Variants in TAFA5 observed in about 807,000 individuals in gnomAD.
TAFA5 encodes chemokine-like protein TAFA-5.
In TAFA5, 6 loss-of-function variants were observed where a neutral mutation model predicts 15.3. The observed-to-expected ratio is 0.39, with a 90% CI of 0.21 to 0.77. The LOEUF is 0.77. Among genes scored for constraint, TAFA5 ranks in the 30% least tolerant of loss-of-function variants. The pLI, the probability that TAFA5 is intolerant of heterozygous loss-of-function variation, is 0.41. For synonymous variants in TAFA5, 103 were observed against 80.7 expected (o/e 1.28, Z -1.48); for missense variants, 161 against 193.1 (o/e 0.83, Z 0.98).
chr22:48,492,773 GGGTTGTTGGATGGTT>G (rs1928201721), intron 1 of TAFA5, among the ~76,000 whole-genome samples: 2 of 152,318 alleles, frequency 1.3e-5, no homozygotes, highest in South Asian at 4.1e-4. Context: ...CTGCCCATGA[GGGTTGTTGGATGGTT>G]GGTAATAAGT....
At chr22:48,602,767 C>T (rs1193718363) in intron 1 of TAFA5, among the ~76,000 whole-genome samples, 1 of 152,064 alleles carries the variant, frequency 6.6e-6, no homozygotes, top group Non-Finnish European at 1.5e-5. Flanking sequence ...CAGTGAACAC[C>T]TGGTGAAGGA....
At chr22:48,703,131 C>T (rs1202764583) in intron 2 of TAFA5, among the ~76,000 whole-genome samples, 1 of 152,052 alleles carries the variant, frequency 6.6e-6, no homozygotes, top group African/African-American at 2.4e-5. Context: ...TGTTTGTGAG[C>T]ATGCATGTAA....
At chr22:48,570,990 CA>C (rs2147138116) in intron 1 of TAFA5, among the ~76,000 whole-genome samples, 1 of 152,240 alleles carries the variant, frequency 6.6e-6, no homozygotes, top group African/African-American at 2.4e-5. Flanking sequence ...TCCTTTATCC[CA>C]TATCTCCAAG....
chr22:48,683,466 T>C (rs1307975724), intron 2 of TAFA5, among the ~76,000 whole-genome samples: 1 of 152,170 alleles, frequency 6.6e-6, no homozygotes, highest in African/African-American at 2.4e-5. Flanking sequence ...TTTGCACCCT[T>C]CTCTTCAGAT....
intron 2 of TAFA5, among the ~76,000 whole-genome samples, chr22:48,677,626 G>C (rs936978162): frequency 6.6e-6 from 1 of 152,166 alleles, no homozygotes; most frequent in African/African-American, 2.4e-5. Flanking sequence ...GTCCAGGCTG[G>C]GTCTTCTCCT....
intron 1 of TAFA5, among the ~76,000 whole-genome samples, chr22:48,495,629 T>G (rs1928298435): frequency 6.6e-6 from 1 of 152,166 alleles, no homozygotes; most frequent in Non-Finnish European, 1.5e-5. Flanking sequence ...CCATTCGTTG[T>G]CCCAAAGACA....
At position 48,671,757 on chromosome 22, in the gene TAFA5, G is replaced by T. The variant is rs978083363; in HGVS notation, c.262+25011G>T. Reference sequence around the variant, plus strand: ...CCCTCTCTGAAAACAGCTCCCTTCTGTGGCTGTCCCTGGTGCCTGTCCCTG... The same window carrying T: ...CCCTCTCTGAAAACAGCTCCCTTCTTTGGCTGTCCCTGGTGCCTGTCCCTG... On this transcript the variant is annotated intron_variant, in intron 2 of 3. Coordinates refer to ENST00000402357, the MANE Select transcript of TAFA5 (RefSeq NM_001082967.3). Among the ~76,000 whole-genome samples the T allele has an allele frequency of 5.9e-5, 9 of 152,180 alleles. No individual in the cohort carries two copies. In the South Asian group the frequency reaches 1.9e-3, roughly 32 times the overall value.
At chr22:48,681,729 C>CA (rs1288283972) in intron 2 of TAFA5, among the ~76,000 whole-genome samples, 1 of 152,050 alleles carries the variant, frequency 6.6e-6, no homozygotes, top group African/African-American at 2.4e-5. Flanking sequence ...CCCTGATTCT[C>CA]AGACAGAACA....
At chr22:48,506,109 C>T (rs1038302534) in intron 1 of TAFA5, among the ~76,000 whole-genome samples, 10 of 152,190 alleles carry the variant, frequency 6.6e-5, no homozygotes, top group African/African-American at 2.2e-4. Flanking sequence ...CTGTCCCTAT[C>T]TCACTCCCTG....
At chr22:48,587,476 C>G (rs1924404311) in intron 1 of TAFA5, among the ~76,000 whole-genome samples, 2 of 152,172 alleles carry the variant, frequency 1.3e-5, no homozygotes, top group African/African-American at 4.8e-5. Flanking sequence ...GGGCTGCAGG[C>G]AGGCATTTAA....
chr22:48,722,235 A>G (rs982604538), intron 3 of TAFA5, among the ~76,000 whole-genome samples: 1 of 152,156 alleles, frequency 6.6e-6, no homozygotes. Flanking sequence ...CGCCATTCTA[A>G]TTGGCGTGAG....
intron 3 of TAFA5, among the ~76,000 whole-genome samples, chr22:48,709,317 G>A (rs564255390): frequency 1.6e-4 from 25 of 152,304 alleles, no homozygotes; most frequent in Admixed American, 5.9e-4. Flanking sequence ...AAATGATTCC[G>A]TCCTGCACCC....
intron 2 of TAFA5, among the ~76,000 whole-genome samples, chr22:48,648,703 T>G (rs1926951070): frequency 6.6e-6 from 1 of 152,064 alleles, no homozygotes; most frequent in African/African-American, 2.4e-5. Flanking sequence ...CCGGGCGTGG[T>G]GGTGTGCACC....
At chr22:48,591,674 A>G (rs1042543714) in intron 1 of TAFA5, among the ~76,000 whole-genome samples, 1 of 152,170 alleles carries the variant, frequency 6.6e-6, no homozygotes, top group African/African-American at 2.4e-5. Flanking sequence ...TGGAAGGTGA[A>G]TGCCGGAGCC....
At chr22:48,656,888 C>G (rs1927272457) in intron 2 of TAFA5, among the ~76,000 whole-genome samples, 1 of 151,554 alleles carries the variant, frequency 6.6e-6, no homozygotes. Flanking sequence ...GCCTCAGCCT[C>G]CCAAATAGCT....
At chr22:48,637,418 C>T (rs1926490033) in intron 1 of TAFA5, among the ~76,000 whole-genome samples, 1 of 152,194 alleles carries the variant, frequency 6.6e-6, no homozygotes, top group Non-Finnish European at 1.5e-5. Context: ...CCTGCTAACG[C>T]CTCCTCGCCT....
At chr22:48,556,867 G>A (rs557299374) in intron 1 of TAFA5, among the ~76,000 whole-genome samples, 9 of 152,312 alleles carry the variant, frequency 5.9e-5, no homozygotes, top group African/African-American at 1.4e-4. Flanking sequence ...GTCCAGCTCC[G>A]GGGATGCAGA....
At chr22:48,719,347 C>T (rs988376496) in intron 3 of TAFA5, among the ~76,000 whole-genome samples, 17 of 152,352 alleles carry the variant, frequency 1.1e-4, no homozygotes, top group Admixed American at 2.0e-4. Context: ...GGGCCAGAGC[C>T]CAGAGGCTCC....
In TAFA5 at chr22:48,612,588, G is replaced by A. The variant is rs555999037; in HGVS notation, c.113-34009G>A. On this transcript the variant is annotated intron_variant, in intron 1 of 3. Coordinates refer to ENST00000402357, the MANE Select transcript of TAFA5 (RefSeq NM_001082967.3). Reference sequence around the variant, plus strand: ...CCCTCGCCTAATGGGAGGTGCCCCCGCCCCACCTGTCTGCTGTTCCCCACG... The same window carrying A: ...CCCTCGCCTAATGGGAGGTGCCCCCACCCCACCTGTCTGCTGTTCCCCACG... Among the ~76,000 whole-genome samples the A allele has an allele frequency of 7.9e-5, 12 of 151,868 alleles. 1 individual carries two copies. The highest frequency in any genetic ancestry group is 5.2e-4 in the Admixed American group (8 of 15,252).
Sources: gnomAD v4.1 joint callset for allele counts (sites outside exome capture counted in the v4.1 genomes callset) on GRCh38, gnomAD v4.1.1 for gene constraint, MANE v1.5 for transcripts, NCBI Gene and HGNC (gene_info 2026-07-23, HGNC 2026-07-21) for gene names.